Variants in GPR137B observed in about 807,000 individuals in gnomAD.
The protein encoded by GPR137B is G protein-coupled receptor 137B.
In GPR137B, 42 loss-of-function variants were observed where a neutral mutation model predicts 42.5. The observed-to-expected ratio is 0.99, with a 90% CI of 0.77 to 1.28. The LOEUF is 1.28. Ranked by LOEUF, GPR137B falls within the 50% of genes most tolerant of loss-of-function variation. GPR137B has a pLI of 0.00. For missense variants in GPR137B, 487 were observed against 493.9 expected, an observed-to-expected ratio of 0.99 and a Z score of 0.13; for synonymous variants, 218 against 209.7, an observed-to-expected ratio of 1.04 and a Z score of -0.34.
At chr1:236,205,882 T>C (rs1470078731) in intron 6 of GPR137B, among the ~76,000 whole-genome samples, 1 of 152,210 alleles carries the variant, frequency 6.6e-6, no homozygotes, top group East Asian at 1.9e-4. Flanking sequence ...GCCTGTAATA[T>C]GCTAATGTGT....
chr1:236,205,902 C>T (rs895966228), intron 6 of GPR137B, among the ~76,000 whole-genome samples: 12 of 152,178 alleles, frequency 7.9e-5, no homozygotes, highest in Non-Finnish European at 1.8e-4. Context: ...TGCTCTGAAT[C>T]TCCAAGAGGG....
At position 236,207,910 on chromosome 1, in the gene GPR137B, T is replaced by G. The variant is rs1037040600; in HGVS notation, c.1092-140T>G. On this transcript the variant is annotated intron_variant, in intron 6 of 6. Transcript: ENST00000366592. ...TGTGTAGCATGGTTTTGTGGGAAAA[T>G]GGACTTTAAGAGCCATTTAAAAGAA... The G allele has an allele frequency of 2.4e-5, 15 of 619,242 alleles. No individual in the cohort carries two copies. In the Admixed American group the frequency reaches 4.3e-4, roughly 18 times the overall value. 38.4% of individuals were successfully genotyped at this position (619,242 alleles called of 1,614,324 possible).
chr1:236,173,788 A>G (rs1297546659), intron 2 of GPR137B, among the ~76,000 whole-genome samples: 1 of 152,120 alleles, frequency 6.6e-6, no homozygotes, highest in Admixed American at 6.5e-5. Flanking sequence ...CTTTTTTGAT[A>G]CAGTTTATTC....
At chr1:236,160,339 T>G (rs1164370137) in intron 1 of GPR137B, among the ~76,000 whole-genome samples, 1 of 152,140 alleles carries the variant, frequency 6.6e-6, no homozygotes. Flanking sequence ...CAGTTCCTGA[T>G]CGGGTTCCCC....
intron 1 of GPR137B, among the ~76,000 whole-genome samples, chr1:236,153,750 G>A: frequency 6.6e-6 from 1 of 152,230 alleles, no homozygotes; most frequent in Non-Finnish European, 1.5e-5. Flanking sequence ...GATGTTTTCA[G>A]TGGAAAGTTG....
Position 236,153,712 on chromosome 1 carries a change from G to A in GPR137B, c.414+10676G>A, listed in dbSNP as rs1661936175. ...GACTGGCTGATGTGACTTAGTGGCT[G>A]TCCTTACAGTAGAGATATGAAGTGT... On this transcript the variant is annotated intron_variant, in intron 1 of 6. Coordinates refer to ENST00000366592, the MANE Select transcript of GPR137B (RefSeq NM_003272.4). Among the ~76,000 whole-genome samples, 4 of 152,344 alleles carry A rather than the reference G, an allele frequency of 2.6e-5. No individual in the cohort carries two copies. In the South Asian group the frequency reaches 8.3e-4, roughly 32 times the overall value.
intron 1 of GPR137B, among the ~76,000 whole-genome samples, chr1:236,162,148 C>T (rs1662221566): frequency 6.6e-6 from 1 of 152,096 alleles, no homozygotes; most frequent in African/African-American, 2.4e-5. Context: ...AGATGAGGAA[C>T]TTTTTGGGAA....
chr1:236,161,374 C>T (rs1032963552), intron 1 of GPR137B, among the ~76,000 whole-genome samples: 3 of 152,028 alleles, frequency 2.0e-5, no homozygotes, highest in Admixed American at 6.6e-5. Context: ...TCACCCCCTC[C>T]CTCACTGCTC....
intron 5 of GPR137B, among the ~76,000 whole-genome samples, chr1:236,193,120 C>T (rs1461270262): frequency 6.6e-6 from 1 of 152,058 alleles, no homozygotes; most frequent in Non-Finnish European, 1.5e-5. Context: ...GTCTTGAACT[C>T]CTGAACTCAG....
intron 5 of GPR137B, among the ~76,000 whole-genome samples, chr1:236,191,517 T>C (rs1458918161): frequency 6.6e-6 from 1 of 152,206 alleles, no homozygotes; most frequent in Non-Finnish European, 1.5e-5. Context: ...GACCTTCGGA[T>C]GGGGTCTCTG....
chr1:236,176,911 T>G (rs985910280), intron 2 of GPR137B, among the ~76,000 whole-genome samples: 1 of 152,092 alleles, frequency 6.6e-6, no homozygotes, highest in Non-Finnish European at 1.5e-5. Flanking sequence ...TAAACTGTGA[T>G]AAGTCTGTGA....
intron 2 of GPR137B, among the ~76,000 whole-genome samples, chr1:236,177,922 G>T (rs1174245594): frequency 6.6e-6 from 1 of 151,794 alleles, no homozygotes; most frequent in Non-Finnish European, 1.5e-5. Context: ...ACTTTTGGGG[G>T]TAAAATGCAT....
At chr1:236,170,039 CAAAAAAAA>C (rs11346365) in intron 2 of GPR137B, among the ~76,000 whole-genome samples, 4 of 36,844 alleles carry the variant, frequency 1.1e-4, no homozygotes, top group East Asian at 7.0e-4. Flanking sequence ...GAATCCATCT[CAAAAAAAA>C]AAAAAAAAAA....
Position 236,178,633 on chromosome 1 carries a change from C to T in GPR137B, c.684C>T (p.Ser228=). Residue 228 remains serine (S), a synonymous_variant, in exon 3 of 7, where the codon TCC becomes TCT. Transcript: ENST00000366592. ...KMSLANIYLE[S]KGSSVCQVTA... ...CCTTAGCCAACATTTACTTGGAGTC[C>T]AAGGTAGGTGGAAATGTGGTCAAGA... The T allele has an allele frequency of 6.3e-7, 1 of 1,584,088 alleles. No homozygotes were observed. Among genetic ancestry groups the T allele is most frequent in the Non-Finnish European group, 8.7e-7 (1 of 1,154,442 alleles).
At chr1:236,196,574 C>T (rs1663340335) in intron 5 of GPR137B, among the ~76,000 whole-genome samples, 1 of 152,194 alleles carries the variant, frequency 6.6e-6, no homozygotes, top group East Asian at 1.9e-4. Context: ...TAGCATTGTA[C>T]ACTGTACCCA....
At chr1:236,179,092 C>T (rs565968634) in intron 3 of GPR137B, among the ~76,000 whole-genome samples, 8 of 151,730 alleles carry the variant, frequency 5.3e-5, no homozygotes, top group East Asian at 1.9e-4. Context: ...CCACCGCGCC[C>T]GCACTACTCA....
intron 5 of GPR137B, among the ~76,000 whole-genome samples, chr1:236,198,305 A>G (rs1205279039): frequency 3.9e-5 from 6 of 152,078 alleles, no homozygotes; most frequent in African/African-American, 1.2e-4. Context: ...CCCAGGTTCA[A>G]GTAATTCTTG....
intron 2 of GPR137B, 65 bp from the exon 3 acceptor site, chr1:236,178,349 C>T: frequency 2.1e-6 from 2 of 940,332 alleles, no homozygotes; most frequent in African/African-American, 1.6e-5. Context: ...CACCAAAACA[C>T]ATCTCAGTGT....
intron 1 of GPR137B, among the ~76,000 whole-genome samples, chr1:236,143,822 G>A (rs543341852): frequency 1.3e-5 from 2 of 152,348 alleles, no homozygotes; most frequent in African/African-American, 4.8e-5. Context: ...GCTGATGGTT[G>A]ACTTAATGAA....
Sources: allele counts gnomAD v4.1 joint callset (sites outside exome capture counted in the v4.1 genomes callset), GRCh38; gene constraint gnomAD v4.1.1; transcripts MANE v1.5; gene names NCBI Gene and HGNC (gene_info 2026-07-23, HGNC 2026-07-21).